KHDRBS2: variants seen among roughly 807,000 people sequenced by gnomAD.
KHDRBS2 encodes KH RNA binding domain containing, signal transduction associated 2, also known as KH domain-containing, RNA-binding, signal transduction-associated protein 2.
In KHDRBS2, 26 loss-of-function variants were observed where a neutral mutation model predicts 44.3. The observed-to-expected ratio is 0.59, with a 90% CI of 0.43 to 0.81. The LOEUF is 0.81. Ranked by LOEUF, KHDRBS2 falls within the 40% of genes least tolerant of loss-of-function variation. The pLI is 0.00. For missense variants in KHDRBS2, 476 were observed against 433.1 expected (o/e 1.10, Z -0.88); for synonymous variants, 194 against 151.1 (o/e 1.28, Z -2.08).
chr6:61,592,188 C>CAAAAAAAAAAAAAAAAAA, the KHDRBS2 span, among the ~76,000 whole-genome samples: 2 of 122,276 alleles, frequency 1.6e-5, no homozygotes. Context: ...AAGATCCCAC[C>CAAAAAAAAAAAAAAAAAA]AAAAAAAAAA....
chr6:61,953,825 G>A (rs1322261564), intron 4 of KHDRBS2, among the ~76,000 whole-genome samples: 2 of 152,138 alleles, frequency 1.3e-5, no homozygotes, highest in African/African-American at 2.4e-5. Flanking sequence ...GGCTGACTCA[G>A]AAAGAGTGAG....
In KHDRBS2 at chr6:62,169,795, G is replaced by C. The variant is rs561749667; in HGVS notation, c.219+7390C>G. 5.3e-5 allele frequency among the ~76,000 whole-genome samples: 8 copies of C among 152,164 alleles called. No individual in the cohort carries two copies. The South Asian group carries it at 1.7e-3, about 32-fold the overall frequency. On this transcript the variant is annotated intron_variant, in intron 2 of 8. Transcript: ENST00000281156. ...GGCAAAGGTAAGTCTCAAGTCCACA[G>C]AGGCCTCTGAAGCCTTAGACCCTGG... is the stretch of plus-strand genomic sequence containing the variant.
At chr6:61,752,654 C>A (rs59032324) in intron 6 of KHDRBS2, among the ~76,000 whole-genome samples, 1 of 108,726 alleles carries the variant, frequency 9.2e-6, no homozygotes. Context: ...AGGCACTATT[C>A]TAGTGATTGT....
chr6:61,565,452 TCAAA>T, the KHDRBS2 span, among the ~76,000 whole-genome samples: 5 of 151,898 alleles, frequency 3.3e-5, no homozygotes, highest in African/African-American at 4.8e-5. Context: ...TAAAAGCAAC[TCAAA>T]CAACTCAATA....
chr6:61,622,863 G>C, the KHDRBS2 span, among the ~76,000 whole-genome samples: 1 of 152,042 alleles, frequency 6.6e-6, no homozygotes, highest in Non-Finnish European at 1.5e-5. Context: ...TGCAAGCCAG[G>C]GCTGATGGTC....
chr6:62,039,897 A>T (rs1362047714), intron 3 of KHDRBS2, among the ~76,000 whole-genome samples: 8 of 152,098 alleles, frequency 5.3e-5, no homozygotes. Flanking sequence ...AATTAAGAAG[A>T]CTTACAGAGA....
chr6:62,175,307 A>G (rs916112558), intron 2 of KHDRBS2, among the ~76,000 whole-genome samples: 1 of 151,630 alleles, frequency 6.6e-6, no homozygotes, highest in African/African-American at 2.4e-5. Flanking sequence ...AATTTTCTCA[A>G]GCATGAATTG....
chr6:61,720,856 G>A (rs1263604983), intron 7 of KHDRBS2, among the ~76,000 whole-genome samples: 1 of 150,866 alleles, frequency 6.6e-6, no homozygotes, highest in Non-Finnish European at 1.5e-5. Context: ...CCTTGCCCAT[G>A]CCTATGTCCT....
At chr6:62,193,170 T>C (rs774696280) in intron 1 of KHDRBS2, among the ~76,000 whole-genome samples, 1 of 152,106 alleles carries the variant, frequency 6.6e-6, no homozygotes, top group East Asian at 1.9e-4. Flanking sequence ...TGTATAGATA[T>C]ACACAGTATA....
the KHDRBS2 span, among the ~76,000 whole-genome samples, chr6:61,660,867 T>C: frequency 0.034 from 5,174 of 151,964 alleles, 280 homozygotes; most frequent in African/African-American, 0.12. Context: ...GTATGGTGGA[T>C]GACATTTCTT....
chr6:61,543,383 A>T, the KHDRBS2 span, among the ~76,000 whole-genome samples: 1 of 152,062 alleles, frequency 6.6e-6, no homozygotes, highest in Admixed American at 6.6e-5. Context: ...ATCATTAGAA[A>T]AATGCAATGA....
intron 4 of KHDRBS2, among the ~76,000 whole-genome samples, chr6:61,944,815 G>T (rs1457477828): frequency 6.6e-6 from 1 of 151,742 alleles, no homozygotes; most frequent in Non-Finnish European, 1.5e-5. Flanking sequence ...ATGAGGCTGG[G>T]AGCAGTGGCT....
chr6:62,283,774 T>C (rs796572959), intron 1 of KHDRBS2, among the ~76,000 whole-genome samples: 17 of 152,130 alleles, frequency 1.1e-4, no homozygotes, highest in African/African-American at 4.1e-4. Flanking sequence ...CCAAGAACAA[T>C]CATCTTACAC....
At chr6:62,249,051 G>T (rs1321882025) in intron 1 of KHDRBS2, among the ~76,000 whole-genome samples, 2 of 152,064 alleles carry the variant, frequency 1.3e-5, no homozygotes, top group African/African-American at 2.4e-5. Context: ...AAGTAATGAG[G>T]CTAATCAATT....
chr6:62,053,076 A>G (rs1320060109), intron 2 of KHDRBS2, among the ~76,000 whole-genome samples: 2 of 152,060 alleles, frequency 1.3e-5, no homozygotes, highest in Non-Finnish European at 2.9e-5. Flanking sequence ...TTTGCTCTCT[A>G]TATTATCCCA....
chr6:61,806,365 G>A (rs1417565599), intron 6 of KHDRBS2, among the ~76,000 whole-genome samples: 1 of 152,134 alleles, frequency 6.6e-6, no homozygotes, highest in Non-Finnish European at 1.5e-5. Context: ...GGGCTACGTA[G>A]TGAGGTCCTG....
chr6:62,234,304 T>C (rs1238815516), intron 1 of KHDRBS2, among the ~76,000 whole-genome samples: 1 of 152,164 alleles, frequency 6.6e-6, no homozygotes, highest in Non-Finnish European at 1.5e-5. Flanking sequence ...TTTCTCTCCC[T>C]TCGTGCAATA....
intron 6 of KHDRBS2, among the ~76,000 whole-genome samples, chr6:61,779,090 T>C (rs1472263668): frequency 6.6e-6 from 1 of 152,184 alleles, no homozygotes; most frequent in Non-Finnish European, 1.5e-5. Context: ...TTGGTAGACA[T>C]TTAAACCAAA....
intron 6 of KHDRBS2, among the ~76,000 whole-genome samples, chr6:61,771,743 C>T (rs1303416922): frequency 1.3e-5 from 2 of 152,130 alleles, no homozygotes; most frequent in Non-Finnish European, 2.9e-5. Context: ...TAATGAGAGA[C>T]TTTAACACCC....
Sources: allele counts gnomAD v4.1 joint callset (sites outside exome capture counted in the v4.1 genomes callset), GRCh38; gene constraint gnomAD v4.1.1; transcripts MANE v1.5; gene names NCBI Gene and HGNC (gene_info 2026-07-23, HGNC 2026-07-21).